NBEA: variants seen among roughly 807,000 people sequenced by gnomAD.
The protein encoded by NBEA is lysosomal-trafficking regulator 2.
In NBEA, 44 loss-of-function variants were observed where a neutral mutation model predicts 343.4. The ratio of observed to expected loss-of-function variants is 0.13; its 90% CI spans 0.10 to 0.16. The LOEUF (loss-of-function observed/expected upper bound fraction) is 0.16, where lower values mean the gene tolerates loss of function less well. Ranked by LOEUF, NBEA falls within the 10% of genes least tolerant of loss-of-function variation. NBEA has a pLI of 1.00. For synonymous variants in NBEA, 1,175 were observed against 1,238.7 expected, an observed-to-expected ratio of 0.95 and a Z score of 1.08; for missense variants, 2,555 against 3,631.3, an observed-to-expected ratio of 0.70 and a Z score of 7.62.
At chr13:34,954,023 A>G (rs112349363) in intron 1 of NBEA, among the ~76,000 whole-genome samples, 1 of 152,184 alleles carries the variant, frequency 6.6e-6, no homozygotes, top group Non-Finnish European at 1.5e-5. Context: ...GAACCCCCCT[A>G]TTCATGGAAA....
chr13:34,998,159 T>C (rs903296593), intron 1 of NBEA, among the ~76,000 whole-genome samples: 6 of 152,058 alleles, frequency 3.9e-5, no homozygotes, highest in Non-Finnish European at 7.3e-5. Flanking sequence ...TTCCATGATG[T>C]GCCCCCAAGC....
At chr13:35,209,693 C>T (rs1258925968) in intron 32 of NBEA, among the ~76,000 whole-genome samples, 1 of 151,984 alleles carries the variant, frequency 6.6e-6, no homozygotes, top group Non-Finnish European at 1.5e-5. Flanking sequence ...ATTATCATTA[C>T]TTAGATTCTT....
chr13:35,604,246 T>A (rs549893822), intron 47 of NBEA, among the ~76,000 whole-genome samples: 18 of 152,232 alleles, frequency 1.2e-4, no homozygotes, highest in Non-Finnish European at 2.5e-4. Context: ...AGTATGGTTT[T>A]TCTTTCAGCC....
At chr13:35,600,471 TA>T (rs1566388698) in intron 47 of NBEA, among the ~76,000 whole-genome samples, 1 of 152,192 alleles carries the variant, frequency 6.6e-6, no homozygotes, top group African/African-American at 2.4e-5. Flanking sequence ...AGAACTTTTT[TA>T]CTGAATTACA....
intron 16 of NBEA, among the ~76,000 whole-genome samples, chr13:35,121,500 T>A (rs2066796216): frequency 6.6e-6 from 1 of 151,714 alleles, no homozygotes; most frequent in Non-Finnish European, 1.5e-5. Context: ...TTTTTTGACA[T>A]GTCTGACTTT....
In NBEA at chr13:34,942,807, C is replaced by A; in HGVS notation, c.-14C>A. On this transcript the variant is annotated 5_prime_UTR_variant, in exon 1 of 59. Coordinates refer to ENST00000379939, the MANE Select transcript of NBEA (RefSeq NM_001385012.1). ...AGCGCCGCTGCTCTTCCCTTCTCCT[C>A]AGGAGGGGGGCCAATGGCTAGCGAG... 1.5e-6 allele frequency: 2 copies of A among 1,354,408 alleles called. No individual in the cohort carries two copies. Among genetic ancestry groups the A allele is most frequent in the Non-Finnish European group, 1.9e-6 (2 of 1,054,122 alleles). 83.9% of individuals were successfully genotyped at this position (1,354,408 alleles called of 1,614,324 possible).
chr13:35,160,463 A>G (rs908306084), intron 22 of NBEA, among the ~76,000 whole-genome samples: 1 of 152,150 alleles, frequency 6.6e-6, no homozygotes, highest in Non-Finnish European at 1.5e-5. Flanking sequence ...AGAAAAGAGG[A>G]CTTGGAGCCC....
At chr13:35,526,364 G>A (rs777746363) in intron 41 of NBEA, among the ~76,000 whole-genome samples, 35 of 152,172 alleles carry the variant, frequency 2.3e-4, no homozygotes, top group Admixed American at 6.5e-4. Context: ...AAAAATACAA[G>A]TTTTTGGCCA....
intron 36 of NBEA, among the ~76,000 whole-genome samples, chr13:35,321,508 C>A (rs1314477427): frequency 6.6e-6 from 1 of 152,112 alleles, no homozygotes; most frequent in Admixed American, 6.6e-5. Flanking sequence ...AGCTGGAGCT[C>A]TCCTGTATGA....
chr13:34,972,236 AGCTAACAGTTTAT>A (rs1266946873), intron 1 of NBEA, among the ~76,000 whole-genome samples: 1 of 151,786 alleles, frequency 6.6e-6, no homozygotes, highest in African/African-American at 2.4e-5. Flanking sequence ...TTACTAGTCT[AGCTAACAGTTTAT>A]GTATTTTATT....
chr13:34,990,034 T>G (rs894918814), intron 1 of NBEA, among the ~76,000 whole-genome samples: 2 of 151,124 alleles, frequency 1.3e-5, no homozygotes, highest in Admixed American at 6.6e-5. Flanking sequence ...ATGCAAGGGG[T>G]AGGCTCCCAA....
chr13:34,942,493 A>C lies in NBEA; in HGVS notation c.-328A>C. On this transcript the variant is annotated 5_prime_UTR_variant, in exon 1 of 59. Coordinates refer to ENST00000379939, the MANE Select transcript of NBEA (RefSeq NM_001385012.1). The stretch of plus-strand genomic sequence containing the variant: ...CCGCGGGGGGCGGGCCGGGCCGGAC[A>C]GACCGGGAGAGGGAGAGAGCAGAGG... 12 of 168,964 alleles carry C rather than the reference A, an allele frequency of 7.1e-5. No individual in the cohort carries two copies. Among genetic ancestry groups the C allele is most frequent in the Non-Finnish European group, 8.8e-5 (7 of 79,512 alleles). The allele number at this position is 168,964 out of a possible 1,614,324, so 10.5% of individuals were successfully genotyped here. A position where few individuals can be genotyped will look rare whatever the true frequency, so the allele number is the denominator to read the frequency against.
At chr13:35,328,751 A>G (rs1474080892) in intron 36 of NBEA, among the ~76,000 whole-genome samples, 1 of 151,890 alleles carries the variant, frequency 6.6e-6, no homozygotes, top group African/African-American at 2.4e-5. Flanking sequence ...ACACAACACA[A>G]ACCTAATTAA....
intron 36 of NBEA, among the ~76,000 whole-genome samples, chr13:35,329,900 C>A (rs925372976): frequency 6.6e-6 from 1 of 151,988 alleles, no homozygotes; most frequent in Non-Finnish European, 1.5e-5. Context: ...CTTATCTGGC[C>A]TTCTTTACTT....
chr13:34,984,965 A>G (rs982621337), intron 1 of NBEA, among the ~76,000 whole-genome samples: 5 of 151,058 alleles, frequency 3.3e-5, no homozygotes, highest in South Asian at 2.1e-4. Context: ...TTCTAAATAT[A>G]CAATCATGTC....
intron 11 of NBEA, among the ~76,000 whole-genome samples, chr13:35,099,463 G>A (rs1029918053): frequency 5.9e-5 from 9 of 152,068 alleles, no homozygotes; most frequent in African/African-American, 1.2e-4. Context: ...GACTCCCAGC[G>A]TGCTGGGATT....
intron 41 of NBEA, among the ~76,000 whole-genome samples, chr13:35,487,383 G>A (rs1038603720): frequency 6.6e-4 from 100 of 151,876 alleles, no homozygotes; most frequent in Middle Eastern, 3.2e-3. Context: ...AAAACTTACA[G>A]TGAAAATTTT....
At chr13:35,153,953 A>C (rs1202519350) in intron 18 of NBEA, among the ~76,000 whole-genome samples, 2 of 152,150 alleles carry the variant, frequency 1.3e-5, no homozygotes, top group African/African-American at 2.4e-5. Flanking sequence ...ATTGTTCTTT[A>C]GTATATGGTT....
chr13:35,242,252 G>T (rs1187345032), intron 34 of NBEA, among the ~76,000 whole-genome samples: 1 of 151,774 alleles, frequency 6.6e-6, no homozygotes, highest in Non-Finnish European at 1.5e-5. Context: ...ATTTGAAGCT[G>T]AAAACCACAA....
Sources: gnomAD v4.1 joint callset for allele counts (sites outside exome capture counted in the v4.1 genomes callset) on GRCh38, gnomAD v4.1.1 for gene constraint, MANE v1.5 for transcripts, NCBI Gene and HGNC (gene_info 2026-07-23, HGNC 2026-07-21) for gene names.